The following GALNT13 variants were observed in gnomAD, a reference collection of about 807,000 sequenced individuals.
GALNT13 encodes the protein UDP-GalNAc:polypeptide N-acetylgalactosaminyltransferase 13.
Under a neutral mutation model 64.2 loss-of-function variants are expected in GALNT13, and 28 were observed. The ratio of observed to expected loss-of-function variants is 0.44; its 90% confidence interval spans 0.32 to 0.60. The LOEUF (loss-of-function observed/expected upper bound fraction) is 0.60. Among genes scored for constraint, GALNT13 ranks in the 20% least tolerant of loss-of-function variants. GALNT13 has a pLI of 0.05. For synonymous variants in GALNT13, 214 were observed against 224.6 expected, an observed-to-expected ratio of 0.95 and a Z score of 0.42; for missense variants, 577 against 669.8, an observed-to-expected ratio of 0.86 and a Z score of 1.53.
chr2:154,229,368 T>A (rs1414692502), intron 4 of GALNT13, among the ~76,000 whole-genome samples: 1 of 151,650 alleles, frequency 6.6e-6, no homozygotes, highest in Non-Finnish European at 1.5e-5. Flanking sequence ...TATATATATA[T>A]AATTTTAAAA....
chr2:154,237,833 A>G (rs1391340656), intron 4 of GALNT13, among the ~76,000 whole-genome samples: 1 of 151,840 alleles, frequency 6.6e-6, no homozygotes, highest in Non-Finnish European at 1.5e-5. Flanking sequence ...AAAATATTAC[A>G]TTATTGTTCA....
chr2:153,220,984 G>A, the GALNT13 span, among the ~76,000 whole-genome samples: 1 of 152,146 alleles, frequency 6.6e-6, no homozygotes, highest in Non-Finnish European at 1.5e-5. Context: ...GAGCCTGTTG[G>A]AAGGTGGAGA....
At chr2:154,249,546 C>A (rs1457179283) in intron 7 of GALNT13, among the ~76,000 whole-genome samples, 2 of 152,130 alleles carry the variant, frequency 1.3e-5, no homozygotes, top group African/African-American at 2.4e-5. Context: ...TAATTTCACA[C>A]TGATTAAAAT....
the GALNT13 span, among the ~76,000 whole-genome samples, chr2:153,696,506 C>G: frequency 6.6e-6 from 1 of 152,118 alleles, no homozygotes; most frequent in East Asian, 1.9e-4. Context: ...TCAATATTAA[C>G]CATCACACCT....
At chr2:153,711,982 G>A in the GALNT13 span, among the ~76,000 whole-genome samples, 2 of 152,072 alleles carry the variant, frequency 1.3e-5, no homozygotes, top group East Asian at 1.9e-4. Flanking sequence ...AGTAAAATAC[G>A]CTACTTCTCC....
chr2:153,265,251 G>A, the GALNT13 span, among the ~76,000 whole-genome samples: 1 of 152,186 alleles, frequency 6.6e-6, no homozygotes, highest in Non-Finnish European at 1.5e-5. Flanking sequence ...GACTTCCCCA[G>A]AAGTTGCAGT....
the GALNT13 span, among the ~76,000 whole-genome samples, chr2:153,766,341 T>G: frequency 6.6e-6 from 1 of 151,976 alleles, no homozygotes; most frequent in Non-Finnish European, 1.5e-5. Context: ...CATGGCAATC[T>G]CTTCTTTTGG....
At chr2:154,298,716 TA>T (rs2105980879) in intron 8 of GALNT13, among the ~76,000 whole-genome samples, 1 of 111,340 alleles carries the variant, frequency 9.0e-6, no homozygotes, top group South Asian at 2.7e-4. Flanking sequence ...AATTTATATA[TA>T]AATTATATTA....
chr2:153,765,067 A>G, the GALNT13 span, among the ~76,000 whole-genome samples: 3 of 152,252 alleles, frequency 2.0e-5, no homozygotes, highest in Non-Finnish European at 2.9e-5. Flanking sequence ...CGTAGTCCTC[A>G]TGAAAAATCT....
chr2:153,233,466 A>G, the GALNT13 span, among the ~76,000 whole-genome samples: 15 of 143,010 alleles, frequency 1.0e-4, no homozygotes, highest in South Asian at 3.1e-3. Flanking sequence ...GCTATTCTCA[A>G]TATAATAATA....
the GALNT13 span, among the ~76,000 whole-genome samples, chr2:153,767,950 T>C: frequency 6.6e-6 from 1 of 152,192 alleles, no homozygotes; most frequent in East Asian, 1.9e-4. Flanking sequence ...CACTTTTTGG[T>C]TTAATTAAAT....
At chr2:153,982,731 G>T (rs1252568866) in intron 3 of GALNT13, among the ~76,000 whole-genome samples, 1 of 151,860 alleles carries the variant, frequency 6.6e-6, no homozygotes, top group Non-Finnish European at 1.5e-5. Flanking sequence ...CAATAATCTT[G>T]AGCAAACATA....
chr2:153,873,349 G>T (rs1166557067), intron 1 of GALNT13, among the ~76,000 whole-genome samples: 1 of 152,212 alleles, frequency 6.6e-6, no homozygotes, highest in Non-Finnish European at 1.5e-5. Flanking sequence ...GAACCTGAGC[G>T]CACTGAGGCT....
At chr2:153,864,752 T>G in the GALNT13 span, among the ~76,000 whole-genome samples, 2 of 150,676 alleles carry the variant, frequency 1.3e-5, no homozygotes, top group South Asian at 4.3e-4. Context: ...ATTTACAGAT[T>G]CAATGCCATC....
At chr2:153,633,127 A>G in the GALNT13 span, among the ~76,000 whole-genome samples, 2 of 152,118 alleles carry the variant, frequency 1.3e-5, no homozygotes, top group Admixed American at 6.6e-5. Flanking sequence ...TTGTTCCTTT[A>G]TACCTATACA....
At chr2:153,447,883 T>A in the GALNT13 span, among the ~76,000 whole-genome samples, 57 of 152,322 alleles carry the variant, frequency 3.7e-4, no homozygotes, top group Middle Eastern at 3.4e-3. Flanking sequence ...TGTGATCAAA[T>A]TTTAAATGGC....
At chr2:154,098,424 T>C (rs1702183129) in intron 3 of GALNT13, among the ~76,000 whole-genome samples, 1 of 152,064 alleles carries the variant, frequency 6.6e-6, no homozygotes, top group South Asian at 2.1e-4. Context: ...CCTCTTATTT[T>C]TCAATGAAAA....
chr2:153,089,703 A>G, the GALNT13 span, among the ~76,000 whole-genome samples: 2 of 151,970 alleles, frequency 1.3e-5, no homozygotes, highest in Non-Finnish European at 2.9e-5. Context: ...GGTTAATTCA[A>G]AAGGCTTGTC....
intron 3 of GALNT13, among the ~76,000 whole-genome samples, chr2:154,022,265 T>G (rs1697566165): frequency 6.6e-6 from 1 of 152,306 alleles, no homozygotes; most frequent in East Asian, 1.9e-4. Flanking sequence ...TTGGAGTAGT[T>G]TCAGAAGGAA....
Sources: gnomAD v4.1 joint callset for allele counts (sites outside exome capture counted in the v4.1 genomes callset) on GRCh38, gnomAD v4.1.1 for gene constraint, MANE v1.5 for transcripts, NCBI Gene and HGNC (gene_info 2026-07-23, HGNC 2026-07-21) for gene names.